The following JMJD1C variants were observed in gnomAD, a reference collection of about 807,000 sequenced individuals.
JMJD1C encodes jumonji domain-containing protein 1C.
A neutral mutation model predicts 245.3 loss-of-function variants in JMJD1C; 31 were observed. The observed-to-expected ratio is 0.13, with a 90% CI of 0.09 to 0.17. The LOEUF (loss-of-function observed/expected upper bound fraction) is 0.17. Among genes scored for constraint, JMJD1C ranks in the 10% least tolerant of loss-of-function variants. The pLI, the probability that JMJD1C is intolerant of heterozygous loss-of-function variation, is 1.00. For synonymous variants in JMJD1C, 1,057 were observed against 1,017.4 expected, an observed-to-expected ratio of 1.04 and a Z score of -0.74; for missense variants, 2,691 against 3,000.2, an observed-to-expected ratio of 0.90 and a Z score of 2.41.
intron 3 of JMJD1C, chr10:63,222,144 C>G: frequency 1.4e-6 from 1 of 723,676 alleles, no homozygotes; most frequent in East Asian, 2.6e-5. Context: ...GGAGGTCCCC[C>G]ATCTGCAGTC....
intron 1 of JMJD1C, among the ~76,000 whole-genome samples, chr10:63,506,827 C>T (rs929817303): frequency 1.3e-5 from 2 of 152,188 alleles, no homozygotes; most frequent in Non-Finnish European, 2.9e-5. Context: ...GTTGTGCATT[C>T]TACCATCTTT....
At chr10:63,370,353 C>T (rs1016656823) in intron 2 of JMJD1C, among the ~76,000 whole-genome samples, 8 of 152,186 alleles carry the variant, frequency 5.3e-5, no homozygotes, top group African/African-American at 1.7e-4. Context: ...GTACACCTAT[C>T]TAAACTCACT....
chr10:63,373,980 T>C (rs1410460782), intron 2 of JMJD1C, among the ~76,000 whole-genome samples: 2 of 152,150 alleles, frequency 1.3e-5, no homozygotes, highest in Non-Finnish European at 2.9e-5. Context: ...TTTATTAATT[T>C]TTACAATCTC....
intron 1 of JMJD1C, among the ~76,000 whole-genome samples, chr10:63,460,220 A>C (rs1008270954): frequency 2.6e-5 from 4 of 152,212 alleles, no homozygotes; most frequent in Non-Finnish European, 4.4e-5. Context: ...TTTACAATTA[A>C]GAGTAAATAG....
intron 2 of JMJD1C, among the ~76,000 whole-genome samples, chr10:63,361,291 C>T (rs1159765138): frequency 1.3e-5 from 2 of 152,000 alleles, no homozygotes; most frequent in Non-Finnish European, 2.9e-5. Flanking sequence ...GACATGGTGG[C>T]GCATGCCCGT....
At chr10:63,432,288 G>T (rs1156945014) in intron 1 of JMJD1C, among the ~76,000 whole-genome samples, 1 of 152,158 alleles carries the variant, frequency 6.6e-6, no homozygotes, top group Non-Finnish European at 1.5e-5. Context: ...CAGCTAACTA[G>T]CCCGGGTGTT....
At chr10:63,457,717 A>T (rs1056161477) in intron 1 of JMJD1C, among the ~76,000 whole-genome samples, 9 of 152,244 alleles carry the variant, frequency 5.9e-5, no homozygotes, top group Non-Finnish European at 1.2e-4. Context: ...TCGGGTTTTT[A>T]CTTTGAGAGT....
At chr10:63,252,862 T>G (rs1362837684) in intron 3 of JMJD1C, among the ~76,000 whole-genome samples, 1 of 152,238 alleles carries the variant, frequency 6.6e-6, no homozygotes, top group East Asian at 1.9e-4. Flanking sequence ...GAATCAAGTA[T>G]TTTATCTGTC....
chr10:63,398,241 T>C (rs187676400), intron 1 of JMJD1C, among the ~76,000 whole-genome samples: 3 of 152,284 alleles, frequency 2.0e-5, no homozygotes, highest in East Asian at 1.9e-4. Flanking sequence ...TGACTTTTTT[T>C]TTCTTGCTTC....
At chr10:63,179,109 G>A (rs1026147017) in intron 22 of JMJD1C, among the ~76,000 whole-genome samples, 2 of 152,116 alleles carry the variant, frequency 1.3e-5, no homozygotes, top group Non-Finnish European at 2.9e-5. Context: ...ATCCACGGAT[G>A]ACTGGATAAA....
chr10:63,395,884 A>G (rs932764296), intron 1 of JMJD1C, among the ~76,000 whole-genome samples: 1 of 152,188 alleles, frequency 6.6e-6, no homozygotes, highest in Non-Finnish European at 1.5e-5. Context: ...ACACCCAAGA[A>G]AAAGACAAGA....
intron 2 of JMJD1C, among the ~76,000 whole-genome samples, chr10:63,305,671 T>TGTGTGTGTGTGTGC (rs1564761633): frequency 1.5e-5 from 2 of 136,546 alleles, no homozygotes; most frequent in African/African-American, 6.4e-5. Context: ...TGTGTGTGTG[T>TGTGTGTGTGTGTGC]GTGTGTGTGT....
intron 1 of JMJD1C, among the ~76,000 whole-genome samples, chr10:63,500,083 G>A (rs1335308456): frequency 6.6e-6 from 1 of 152,192 alleles, no homozygotes; most frequent in Non-Finnish European, 1.5e-5. Flanking sequence ...GAGAGGCCTG[G>A]CATGTAATTC....
chr10:63,208,477 G>A lies in JMJD1C; in HGVS notation c.3192C>T (p.Ile1064=), dbSNP rs1424784480. 1 of 1,613,330 alleles carries A rather than the reference G, an allele frequency of 6.2e-7. No individual in the cohort carries two copies. ...SSSSSPKSHI[I]KQDMDVERSV... ...AGCGTTCTACATCCATATCTTGTTT[G>A]ATGATATGGCTTTTAGGACTGGAAG... Residue 1064 remains isoleucine (I), a synonymous_variant, in exon 10 of 26, where the codon ATC becomes ATT. Coordinates refer to ENST00000399262, the MANE Select transcript of JMJD1C (RefSeq NM_032776.3).
intron 1 of JMJD1C, among the ~76,000 whole-genome samples, chr10:63,438,253 G>T (rs1478294301): frequency 6.6e-6 from 1 of 151,996 alleles, no homozygotes; most frequent in African/African-American, 2.4e-5. Context: ...TCTATGTTTT[G>T]CAGGAGCCAA....
At position 63,167,797 on chromosome 10, in the gene JMJD1C, T is replaced by A. The variant is rs1436448898; in HGVS notation, c.*248A>T. On this transcript the variant is annotated 3_prime_UTR_variant, in exon 26 of 26. Coordinates refer to ENST00000399262, the MANE Select transcript of JMJD1C (RefSeq NM_032776.3). ...TTTAAATCTGGCATTTTCACAAACATCATATACACTATAATACAAAACAGC... is the reference window on the plus strand; with the variant it reads ...TTTAAATCTGGCATTTTCACAAACAACATATACACTATAATACAAAACAGC... 1 of 357,208 alleles carries A rather than the reference T, an allele frequency of 2.8e-6. No homozygotes were observed. Among genetic ancestry groups the A allele is most frequent in the Admixed American group, 4.2e-5 (1 of 23,874 alleles). 22.1% of individuals were successfully genotyped at this position (357,208 alleles called of 1,614,324 possible).
intron 22 of JMJD1C, among the ~76,000 whole-genome samples, chr10:63,181,032 A>T (rs1471114434): frequency 6.6e-6 from 1 of 151,838 alleles, no homozygotes; most frequent in Non-Finnish European, 1.5e-5. Flanking sequence ...CCTCCCAAAT[A>T]ATTTTTGTAT....
chr10:63,472,564 T>G (rs1953524976), intron 1 of JMJD1C, among the ~76,000 whole-genome samples: 1 of 152,118 alleles, frequency 6.6e-6, no homozygotes, highest in Non-Finnish European at 1.5e-5. Flanking sequence ...ACTCCTGACC[T>G]CAAGTGATCC....
intron 13 of JMJD1C, among the ~76,000 whole-genome samples, chr10:63,196,829 CTG>C (rs1845512549): frequency 6.6e-6 from 1 of 152,188 alleles, no homozygotes; most frequent in Non-Finnish European, 1.5e-5. Context: ...CAGGGTATCA[CTG>C]TGTCACCCAG....
Sources: allele counts gnomAD v4.1 joint callset (sites outside exome capture counted in the v4.1 genomes callset), GRCh38; gene constraint gnomAD v4.1.1; transcripts MANE v1.5; gene names NCBI Gene and HGNC (gene_info 2026-07-23, HGNC 2026-07-21).